ABCB5: variants seen among roughly 807,000 people sequenced by gnomAD.
ABCB5 encodes the protein ATP-binding cassette sub-family B member 5.
Under a neutral mutation model 144.2 loss-of-function variants are expected in ABCB5, and 155 were observed. The ratio of observed to expected loss-of-function variants is 1.08; its 90% CI spans 0.94 to 1.23. The LOEUF (loss-of-function observed/expected upper bound fraction) is 1.23, where lower values mean the gene tolerates loss of function less well. Ranked by LOEUF, ABCB5 falls within the 50% of genes most tolerant of loss-of-function variation. The pLI is 0.00. For synonymous variants in ABCB5, 610 were observed against 528.6 expected (o/e 1.15, Z -2.11); for missense variants, 1,830 against 1,520.8 (o/e 1.20, Z -3.38).
intron 2 of ABCB5, among the ~76,000 whole-genome samples, chr7:20,625,384 A>ATGTGTGTGTGTGTGTG (rs113535118): frequency 4.6e-5 from 7 of 151,408 alleles, no homozygotes; most frequent in Admixed American, 4.6e-4. Context: ...TTGCGCGTGC[A>ATGTGTGTGTGTGTGTG]TGTGTGTGTG....
chr7:20,729,707 A>C (rs1482513196), intron 23 of ABCB5, among the ~76,000 whole-genome samples: 2 of 152,240 alleles, frequency 1.3e-5, no homozygotes, highest in Non-Finnish European at 2.9e-5. Flanking sequence ...TCCATACAAT[A>C]CTTGACTCAA....
intron 25 of ABCB5, among the ~76,000 whole-genome samples, chr7:20,743,591 T>A (rs1245533463): frequency 6.6e-6 from 1 of 152,132 alleles, no homozygotes; most frequent in Non-Finnish European, 1.5e-5. Flanking sequence ...TAAGGATTGT[T>A]TTTCTTACCT....
Position 20,666,189 on chromosome 7 carries a change from A to T in ABCB5, c.1707+7513A>T, listed in dbSNP as rs796752573. Among the ~76,000 whole-genome samples, 10 of 149,108 alleles carry T rather than the reference A, an allele frequency of 6.7e-5. No homozygotes were observed. In the South Asian group the frequency reaches 2.1e-3, roughly 32 times the overall value. ...CTGTCTCAAAAAAAAAAAAAAAAAA[A>T]GTTGACGATAACAGCACTACATCAT... On this transcript the variant is annotated intron_variant, in intron 14 of 27. Transcript: ENST00000404938.
intron 14 of ABCB5, among the ~76,000 whole-genome samples, chr7:20,661,783 C>G (rs1176623317): frequency 1.3e-5 from 2 of 151,912 alleles, no homozygotes; most frequent in East Asian, 3.9e-4. Flanking sequence ...TCTGCCTGCC[C>G]TAGCCTCCCA....
chr7:20,636,552 A>C (rs959180812), intron 5 of ABCB5, among the ~76,000 whole-genome samples: 11 of 152,166 alleles, frequency 7.2e-5, no homozygotes, highest in Admixed American at 3.9e-4. Flanking sequence ...TAGGAGGCTG[A>C]GGCAGGCAGA....
chr7:20,748,543 G>A (rs2128056908), intron 26 of ABCB5, among the ~76,000 whole-genome samples: 1 of 146,954 alleles, frequency 6.8e-6, no homozygotes, highest in East Asian at 2.1e-4. Flanking sequence ...CCAGCTACTT[G>A]GGAGGCTGAG....
At position 20,626,557 on chromosome 7, in the gene ABCB5, A is replaced by G; in HGVS notation, c.54A>G (p.Gly18=). The change falls in exon 3 of 28, where the codon GGA becomes GGG. Residue 18 remains glycine (G), a splice_region_variant and synonymous_variant. Transcript: ENST00000404938. ...EEMQENYQRN[G]TAEEQPKLRK... ...TGCATTTTGAACTTTTATTTTCCAG[A>G]ACTGCAGAAGAACAGCCAAAACTGA... is the stretch of plus-strand genomic sequence containing the variant. 6.2e-7 allele frequency: 1 copy of G among 1,606,102 alleles called. No individual in the cohort carries two copies. The highest frequency in any genetic ancestry group is 1.3e-5 in the African/African-American group (1 of 74,982).
chr7:20,681,671 T>A lies in ABCB5; in HGVS notation c.1869+5T>A, dbSNP rs746929811. On this transcript the variant is annotated splice_donor_5th_base_variant and intron_variant, in intron 15 of 27. Coordinates refer to ENST00000404938, the MANE Select transcript of ABCB5 (RefSeq NM_001163941.2). ...TATTCACTTGTGATGTCACAGGTAATGCTTATGTGACATAATGCTATGTCA... is the reference window on the plus strand; with the variant it reads ...TATTCACTTGTGATGTCACAGGTAAAGCTTATGTGACATAATGCTATGTCA... 7 of 1,613,004 alleles carry A rather than the reference T, an allele frequency of 4.3e-6. No homozygotes were observed. The highest frequency in any genetic ancestry group is 5.9e-6 in the Non-Finnish European group (7 of 1,179,284).
At chr7:20,742,713 G>A (rs1185772896) in intron 24 of ABCB5, among the ~76,000 whole-genome samples, 164 bp from the exon 25 acceptor site, 3 of 152,178 alleles carry the variant, frequency 2.0e-5, no homozygotes, top group Non-Finnish European at 4.4e-5. Context: ...AAAAGTGACA[G>A]AAACCCACTT....
chr7:20,657,887 C>A (rs1363245046), intron 13 of ABCB5, among the ~76,000 whole-genome samples: 1 of 152,136 alleles, frequency 6.6e-6, no homozygotes, highest in South Asian at 2.1e-4. Flanking sequence ...AGGGACGTAA[C>A]CCAGTAGAAT....
In ABCB5 at chr7:20,664,496, A is replaced by G. The variant is rs535859033; in HGVS notation, c.1707+5820A>G. ...AAAATATTTTTCCATGATATGGATA[A>G]GCATCTTGGTGATTTTTGTAAATTA... On this transcript the variant is annotated intron_variant, in intron 14 of 27. Coordinates refer to ENST00000404938, the MANE Select transcript of ABCB5 (RefSeq NM_001163941.2). 9.8e-5 allele frequency among the ~76,000 whole-genome samples: 15 copies of G among 152,352 alleles called. No individual in the cohort carries two copies. The South Asian group carries it at 3.1e-3, about 32-fold the overall frequency.
At chr7:20,669,723 TAA>T (rs35747177) in intron 14 of ABCB5, among the ~76,000 whole-genome samples, 27 of 65,540 alleles carry the variant, frequency 4.1e-4, no homozygotes, top group African/African-American at 1.3e-3. Context: ...GAATGATCAA[TAA>T]AAAAAAAAAA....
intron 9 of ABCB5, among the ~76,000 whole-genome samples, chr7:20,646,984 G>A (rs575790734): frequency 6.1e-4 from 93 of 152,332 alleles, no homozygotes; most frequent in African/African-American, 2.2e-3. Context: ...CTATATGATA[G>A]GAGTAAGAGC....
intron 5 of ABCB5, among the ~76,000 whole-genome samples, chr7:20,632,719 G>C (rs150180429): frequency 0.047 from 7,110 of 152,102 alleles, 839 homozygotes; most frequent in East Asian, 0.47. Context: ...TAGGGACATG[G>C]ATGAAATTGG....
rs141370973 is a variant in ABCB5, at chr7:20,738,698, A to G, written c.2868-285A>G. ...CAAGCCTCATATCAAGATGACTAAGAAGTTTTATATTCACTAGTTGGGACC... is the reference window on the plus strand; with the variant it reads ...CAAGCCTCATATCAAGATGACTAAGGAGTTTTATATTCACTAGTTGGGACC... On this transcript the variant is annotated intron_variant, in intron 23 of 27. Coordinates refer to ENST00000404938, the MANE Select transcript of ABCB5 (RefSeq NM_001163941.2). 2.3e-4 allele frequency among the ~76,000 whole-genome samples: 35 copies of G among 152,292 alleles called. No homozygotes were observed. The East Asian group carries it at 6.2e-3, about 27-fold the overall frequency.
chr7:20,647,244 C>G (rs1784431944), intron 9 of ABCB5: 2 of 1,094,406 alleles, frequency 1.8e-6, no homozygotes, highest in Admixed American at 5.1e-5. Flanking sequence ...TTTTTCTGGT[C>G]ACACATCCCA....
At chr7:20,751,376 C>G (rs542477534) in intron 26 of ABCB5, among the ~76,000 whole-genome samples, 46 of 152,260 alleles carry the variant, frequency 3.0e-4, no homozygotes, top group African/African-American at 1.1e-3. Flanking sequence ...GAGGCTGAGG[C>G]AGGAGAATGG....
intron 20 of ABCB5, among the ~76,000 whole-genome samples, chr7:20,711,534 T>A (rs1463511100): frequency 6.8e-6 from 1 of 148,028 alleles, no homozygotes. Flanking sequence ...TGATCACTAC[T>A]CATTGCAGCC....
chr7:20,739,423 A>C (rs567358005), intron 24 of ABCB5, among the ~76,000 whole-genome samples: 6 of 152,350 alleles, frequency 3.9e-5, no homozygotes, highest in African/African-American at 1.4e-4. Context: ...TCCACTTATT[A>C]AATGAAGGCT....
Sources: allele counts gnomAD v4.1 joint callset (sites outside exome capture counted in the v4.1 genomes callset), GRCh38; gene constraint gnomAD v4.1.1; transcripts MANE v1.5; gene names NCBI Gene and HGNC (gene_info 2026-07-23, HGNC 2026-07-21).